The following GLIS3 variants were observed in gnomAD, a reference collection of about 807,000 sequenced individuals.
GLIS3 encodes GLIS family zinc finger 3, also known as zinc finger protein GLIS3.
GLIS3 carries 53 observed loss-of-function variants against 78.6 expected under a neutral mutation model. The ratio of observed to expected loss-of-function variants is 0.67; its 90% CI spans 0.54 to 0.85. GLIS3 has a LOEUF of 0.85. Ranked by LOEUF, GLIS3 falls within the 40% of genes least tolerant of loss-of-function variation. The probability of loss-of-function intolerance (pLI) is 0.00; values close to 1 mark genes in which losing one functional copy is unlikely to be tolerated. For missense variants in GLIS3, 1,703 were observed against 1,231.1 expected (o/e 1.38, Z -5.74); for synonymous variants, 684 against 509.9 (o/e 1.34, Z -4.60).
chr9:3,898,714 C>G lies in GLIS3; in HGVS notation c.2105G>C (p.Gly702Ala). The G allele has an allele frequency of 6.2e-7, 1 of 1,614,126 alleles. No individual in the cohort carries two copies. Residue 702 changes from glycine to alanine, a missense_variant, in exon 7 of 11, where the codon GGA (glycine) becomes GCA (alanine). Gly to Ala is a moderately conservative substitution (Grantham distance 60). Coordinates refer to ENST00000381971, the MANE Select transcript of GLIS3 (RefSeq NM_001042413.2). ...ACCTGAATAGAGGTCAGGCCCGGGTCCAGGGGAGCGTCCCACGGTCCCTTC... is the reference window on the plus strand; with the variant it reads ...ACCTGAATAGAGGTCAGGCCCGGGTGCAGGGGAGCGTCCCACGGTCCCTTC... ...AAEGTVGRSP[G>A]PGPDLYSAPI... is the part of the protein sequence containing the mutation.
chr9:3,857,102 G>A (rs1231806816), intron 8 of GLIS3, among the ~76,000 whole-genome samples: 1 of 152,206 alleles, frequency 6.6e-6, no homozygotes, highest in Non-Finnish European at 1.5e-5. Flanking sequence ...GATCCTCCAG[G>A]TGCCAGTTCA....
At chr9:4,329,337 C>T (rs905576935) in intron 2 of GLIS3, among the ~76,000 whole-genome samples, 1 of 152,026 alleles carries the variant, frequency 6.6e-6, no homozygotes, top group Non-Finnish European at 1.5e-5. Context: ...AGCTTGTTTC[C>T]GATAATTAAT....
chr9:3,946,812 G>A (rs1255926899), intron 4 of GLIS3, among the ~76,000 whole-genome samples: 1 of 152,176 alleles, frequency 6.6e-6, no homozygotes, highest in Non-Finnish European at 1.5e-5. Flanking sequence ...AAAAGAAACT[G>A]TTTTAAATTG....
intron 2 of GLIS3, among the ~76,000 whole-genome samples, chr9:4,191,383 C>T (rs985611287): frequency 1.1e-4 from 16 of 152,266 alleles, no homozygotes; most frequent in African/African-American, 3.8e-4. Context: ...AAATCGTTAT[C>T]ATAATAATGT....
chr9:4,148,497 T>G (rs17209975), intron 2 of GLIS3, among the ~76,000 whole-genome samples: 1 of 151,884 alleles, frequency 6.6e-6, no homozygotes, highest in African/African-American at 2.4e-5. Flanking sequence ...AACTCCCACA[T>G]AGTTATTCAT....
chr9:4,348,167 T>C (rs561487147), intron 1 of GLIS3: 1 of 152,356 alleles, frequency 6.6e-6, no homozygotes, highest in South Asian at 2.1e-4. Flanking sequence ...GTATCTGTGT[T>C]AGAATTAGGT....
At chr9:4,143,679 C>T (rs964884808) in intron 2 of GLIS3, among the ~76,000 whole-genome samples, 1 of 152,198 alleles carries the variant, frequency 6.6e-6, no homozygotes, top group African/African-American at 2.4e-5. Context: ...AGAACTTATT[C>T]GTCTTGCATA....
At chr9:4,302,174 G>A (rs184970123), upstream of GLIS3, among the ~76,000 whole-genome samples, 14 of 152,230 alleles carry the variant, frequency 9.2e-5, no homozygotes, top group African/African-American at 3.4e-4. Flanking sequence ...GAGACAGTGA[G>A]AAAGGAAATC....
At chr9:4,401,198 G>C in the GLIS3 span, among the ~76,000 whole-genome samples, 3 of 152,094 alleles carry the variant, frequency 2.0e-5, no homozygotes, top group Non-Finnish European at 4.4e-5. Flanking sequence ...TCAATGGTGA[G>C]TCCCAGGCCT....
intron 9 of GLIS3, among the ~76,000 whole-genome samples, chr9:3,830,301 C>G (rs888908896): frequency 6.6e-6 from 1 of 151,938 alleles, no homozygotes; most frequent in Admixed American, 6.6e-5. Flanking sequence ...CTTTTTTCTT[C>G]TTTCTCCTTG....
chr9:3,942,413 GA>G (rs1412969622), intron 4 of GLIS3, among the ~76,000 whole-genome samples: 2 of 152,128 alleles, frequency 1.3e-5, no homozygotes, highest in Non-Finnish European at 2.9e-5. Flanking sequence ...CCAAAGAGAA[GA>G]AAGGCATGGG....
At chr9:3,864,793 G>A (rs958369712) in intron 8 of GLIS3, among the ~76,000 whole-genome samples, 3 of 152,152 alleles carry the variant, frequency 2.0e-5, no homozygotes, top group African/African-American at 7.2e-5. Flanking sequence ...AATTAGTGAA[G>A]GGCGTTTGGC....
intron 2 of GLIS3, among the ~76,000 whole-genome samples, chr9:4,158,492 T>C (rs560447249): frequency 6.6e-6 from 1 of 152,344 alleles, no homozygotes; most frequent in South Asian, 2.1e-4. Flanking sequence ...TGCCTTCAGC[T>C]ATACTGTCTC....
At chr9:4,161,186 T>C (rs1036958038) in intron 2 of GLIS3, among the ~76,000 whole-genome samples, 4 of 152,020 alleles carry the variant, frequency 2.6e-5, no homozygotes, top group Non-Finnish European at 2.9e-5. Flanking sequence ...GGCAGGAAGA[T>C]TGCTTAAGCC....
intron 7 of GLIS3, among the ~76,000 whole-genome samples, chr9:3,883,878 G>A (rs1445971330): frequency 6.6e-6 from 1 of 152,230 alleles, no homozygotes; most frequent in Non-Finnish European, 1.5e-5. Context: ...ATAAAATCCT[G>A]TTCTTGAGAT....
At chr9:3,841,639 T>C (rs934906835) in intron 9 of GLIS3, among the ~76,000 whole-genome samples, 3 of 152,202 alleles carry the variant, frequency 2.0e-5, no homozygotes, top group African/African-American at 7.2e-5. Flanking sequence ...GGTGGAGGAT[T>C]TGGATATTCT....
chr9:4,228,719 A>C (rs1464333995), intron 2 of GLIS3, among the ~76,000 whole-genome samples: 1 of 152,220 alleles, frequency 6.6e-6, no homozygotes, highest in Non-Finnish European at 1.5e-5. Context: ...TGAACACAAT[A>C]TGAAATGAAA....
intron 2 of GLIS3, among the ~76,000 whole-genome samples, chr9:4,140,110 G>C (rs1006988063): frequency 6.6e-6 from 1 of 152,196 alleles, no homozygotes; most frequent in African/African-American, 2.4e-5. Context: ...GATCGCTTGA[G>C]CTCTGGAGTG....
At chr9:4,336,209 G>T (rs945900611) in intron 2 of GLIS3, among the ~76,000 whole-genome samples, 1 of 152,232 alleles carries the variant, frequency 6.6e-6, no homozygotes, top group Admixed American at 6.5e-5. Context: ...TCTCCAAAAA[G>T]CATCTCATGT....
Sources: allele counts gnomAD v4.1 joint callset (sites outside exome capture counted in the v4.1 genomes callset), GRCh38; gene constraint gnomAD v4.1.1; transcripts MANE v1.5; gene names NCBI Gene and HGNC (gene_info 2026-07-23, HGNC 2026-07-21).